The following NUP155 variants were observed in gnomAD, a reference collection of about 807,000 sequenced individuals.
NUP155 encodes the protein nuclear pore complex protein Nup155.
In NUP155, 71 loss-of-function variants were observed where a neutral mutation model predicts 180.4. The observed-to-expected ratio is 0.39, with a 90% confidence interval of 0.33 to 0.48. The LOEUF (loss-of-function observed/expected upper bound fraction) is 0.48, where lower values mean the gene tolerates loss of function less well. Ranked by LOEUF, NUP155 falls within the 20% of genes least tolerant of loss-of-function variation. The pLI, the probability that NUP155 is intolerant of heterozygous loss-of-function variation, is 0.91. For missense variants in NUP155, 1,553 were observed against 1,648.9 expected (o/e 0.94, Z 1.01); for synonymous variants, 582 against 559.5 (o/e 1.04, Z -0.57).
At chr5:37,303,101 C>T (rs1742955601) in intron 28 of NUP155, among the ~76,000 whole-genome samples, 159 bp downstream of exon 28, 1 of 151,890 alleles carries the variant, frequency 6.6e-6, no homozygotes, top group African/African-American at 2.4e-5. Flanking sequence ...TTAGACAACA[C>T]ATAAAGAAAT....
At chr5:37,346,233 G>A (rs1383644464) in intron 9 of NUP155, among the ~76,000 whole-genome samples, 2 of 151,836 alleles carry the variant, frequency 1.3e-5, no homozygotes, top group South Asian at 2.1e-4. Context: ...GACTACAATT[G>A]CAACACTGCA....
chr5:37,314,435 C>A (rs1743742547), intron 21 of NUP155, 107 bp from the exon 22 acceptor site: 2 of 812,446 alleles, frequency 2.5e-6, no homozygotes, highest in Admixed American at 2.4e-5. Context: ...TTCTTCCTAG[C>A]CCCCATTACA....
chr5:37,288,155 T>G lies in NUP155; in HGVS notation c.*3745A>C, dbSNP rs1742097850. 1 of 152,224 alleles carries G rather than the reference T, an allele frequency of 6.6e-6. No individual in the cohort carries two copies. Among genetic ancestry groups the G allele is most frequent in the South Asian group, 2.1e-4 (1 of 4,828 alleles). The allele number at this position is 152,224 out of a possible 1,614,324, so 9.4% of individuals were successfully genotyped here. A position where few individuals can be genotyped will look rare whatever the true frequency, so the allele number is the denominator to read the frequency against. On this transcript the variant is annotated 3_prime_UTR_variant, in exon 35 of 35. Coordinates refer to ENST00000231498, the MANE Select transcript of NUP155 (RefSeq NM_153485.3). ...CTTAAAATATTAGAAAAAAGTTTTA[T>G]TCTTAAGAGAATTTAAAAGAAGACA...
chr5:37,346,349 T>G (rs555493835), intron 9 of NUP155, among the ~76,000 whole-genome samples: 1 of 151,800 alleles, frequency 6.6e-6, no homozygotes, highest in East Asian at 1.9e-4. Flanking sequence ...ACAATAGAAG[T>G]TGAAAAATTT....
intron 11 of NUP155, among the ~76,000 whole-genome samples, chr5:37,338,704 C>T (rs893491550): frequency 2.0e-5 from 3 of 152,100 alleles, no homozygotes; most frequent in African/African-American, 7.2e-5. Flanking sequence ...TGCGCCCAAC[C>T]GAACATCAAT....
At chr5:37,348,631 T>C in intron 8 of NUP155, 35 bp from the exon 9 acceptor site, 1 of 1,120,992 alleles carries the variant, frequency 8.9e-7, no homozygotes. Flanking sequence ...TTAAACATGA[T>C]TATATACTAT....
At chr5:37,348,480 T>G in intron 9 of NUP155, 25 bp downstream of exon 9, 1 of 1,387,762 alleles carries the variant, frequency 7.2e-7, no homozygotes, top group South Asian at 1.2e-5. Context: ...GCAAATGAAA[T>G]GCTTAATAAT....
intron 11 of NUP155, among the ~76,000 whole-genome samples, chr5:37,338,399 A>G (rs1422006360): frequency 2.0e-5 from 3 of 149,490 alleles, no homozygotes; most frequent in African/African-American, 7.4e-5. Flanking sequence ...ATATACACAC[A>G]CAACATCAAT....
rs576511756 is a variant in NUP155 at position 37,330,728 on chromosome 5, A to AAAAC, written c.1630-600_1630-597dup. Among the ~76,000 whole-genome samples the AAAAC allele has an allele frequency of 6.1e-3, 931 of 152,202 alleles. 11 individuals are homozygous for AAAAC. The highest frequency in any genetic ancestry group is 0.019 in the African/African-American group (787 of 41,530). On this transcript the variant is annotated intron_variant, in intron 14 of 34. Coordinates refer to ENST00000231498, the MANE Select transcript of NUP155 (RefSeq NM_153485.3). ...GGTTTCTTCCTCAGGTCATTAAGCCAAAACAAACAAACAAACAAACAAACA... is the reference window on the plus strand; with the variant it reads ...GGTTTCTTCCTCAGGTCATTAAGCCAAAACAAACAAACAAACAAACAAACAAACA...
intron 1 of NUP155, among the ~76,000 whole-genome samples, chr5:37,368,848 A>T (rs927087692): frequency 2.6e-5 from 4 of 152,064 alleles, no homozygotes; most frequent in African/African-American, 9.7e-5. Context: ...CAGACATCCC[A>T]TTTAATCCTA....
At chr5:37,312,806 G>A (rs954271269) in intron 22 of NUP155, among the ~76,000 whole-genome samples, 1 of 152,064 alleles carries the variant, frequency 6.6e-6, no homozygotes, top group Non-Finnish European at 1.5e-5. Flanking sequence ...CTCCAGCCTG[G>A]GTGACAGAGC....
intron 9 of NUP155, among the ~76,000 whole-genome samples, chr5:37,347,563 G>A (rs1396185716): frequency 6.6e-6 from 1 of 151,936 alleles, no homozygotes; most frequent in East Asian, 1.9e-4. Context: ...GGGTGTGATG[G>A]CGCATGCCTG....
intron 9 of NUP155, 63 bp downstream of exon 9, chr5:37,348,442 G>A (rs548745062): frequency 2.0e-5 from 20 of 1,014,892 alleles, no homozygotes; most frequent in African/African-American, 1.9e-4. Flanking sequence ...CTTTTAGAAG[G>A]CTACACACAA....
At chr5:37,353,550 C>T (rs552850913) in intron 4 of NUP155, among the ~76,000 whole-genome samples, 2 of 151,982 alleles carry the variant, frequency 1.3e-5, no homozygotes, top group East Asian at 3.9e-4. Context: ...CCATTACACC[C>T]CAGTCTGGAC....
intron 22 of NUP155, among the ~76,000 whole-genome samples, chr5:37,310,947 C>G (rs921822741): frequency 6.6e-6 from 1 of 152,028 alleles, no homozygotes; most frequent in Non-Finnish European, 1.5e-5. Context: ...TAGATCTAGT[C>G]CAAAACTCTC....
chr5:37,324,294 T>G (rs1230945927), intron 19 of NUP155, among the ~76,000 whole-genome samples, 187 bp from the exon 20 acceptor site: 3 of 152,190 alleles, frequency 2.0e-5, no homozygotes, highest in African/African-American at 7.2e-5. Flanking sequence ...ATAACTAACA[T>G]ACAATAAAAT....
intron 14 of NUP155, among the ~76,000 whole-genome samples, chr5:37,330,836 T>C (rs576620645): frequency 1.3e-5 from 2 of 152,302 alleles, no homozygotes; most frequent in South Asian, 2.1e-4. Context: ...AAACTCTTAC[T>C]AGCAGACTTC....
At chr5:37,329,520 G>T (rs1744822384) in intron 15 of NUP155, among the ~76,000 whole-genome samples, 1 of 152,152 alleles carries the variant, frequency 6.6e-6, no homozygotes, top group Non-Finnish European at 1.5e-5. Flanking sequence ...CTAAGAAAAA[G>T]ATATGCAATG....
chr5:37,304,544 C>T (rs1165973094), intron 27 of NUP155, among the ~76,000 whole-genome samples, 195 bp downstream of exon 27: 1 of 152,060 alleles, frequency 6.6e-6, no homozygotes, highest in Non-Finnish European at 1.5e-5. Flanking sequence ...CAATCAGCTT[C>T]GAATTAACAA....
Sources: gnomAD v4.1 joint callset for allele counts (sites outside exome capture counted in the v4.1 genomes callset) on GRCh38, gnomAD v4.1.1 for gene constraint, MANE v1.5 for transcripts, NCBI Gene and HGNC (gene_info 2026-07-23, HGNC 2026-07-21) for gene names.